Variants in COL21A1 observed in about 807,000 individuals in gnomAD.
COL21A1 encodes the protein collagen type XXI alpha 1 chain, also known as collagen alpha-1(XXI) chain.
COL21A1 carries 149 observed loss-of-function variants against 137.9 expected under a neutral mutation model. The ratio of observed to expected loss-of-function variants is 1.08; its 90% CI spans 0.95 to 1.24. The LOEUF (loss-of-function observed/expected upper bound fraction) is 1.24. Ranked by LOEUF, COL21A1 falls within the 50% of genes most tolerant of loss-of-function variation. COL21A1 has a pLI of 0.00. For synonymous variants in COL21A1, 456 were observed against 391.5 expected (o/e 1.16, Z -1.95); for missense variants, 1,167 against 1,158.4 (o/e 1.01, Z -0.11).
chr6:56,323,214 A>G (rs1764918105), intron 1 of COL21A1, among the ~76,000 whole-genome samples: 1 of 152,188 alleles, frequency 6.6e-6, no homozygotes, highest in South Asian at 2.1e-4. Flanking sequence ...TTTAAAGCCT[A>G]TACTCATTTG....
intron 23 of COL21A1, among the ~76,000 whole-genome samples, chr6:56,067,030 A>G (rs1278690279): frequency 6.6e-6 from 1 of 150,386 alleles, no homozygotes; most frequent in Non-Finnish European, 1.5e-5. Flanking sequence ...ATATGTATAT[A>G]AATACATATT....
At chr6:56,169,846 C>T (rs1000760997) in intron 5 of COL21A1, among the ~76,000 whole-genome samples, 1 of 151,782 alleles carries the variant, frequency 6.6e-6, no homozygotes, top group Non-Finnish European at 1.5e-5. Flanking sequence ...AGAAACATGC[C>T]TTATTCATTT....
intron 1 of COL21A1, among the ~76,000 whole-genome samples, chr6:56,374,009 T>C (rs1210839382): frequency 6.6e-6 from 1 of 152,192 alleles, no homozygotes; most frequent in Admixed American, 6.5e-5. Flanking sequence ...CTTCCCAACT[T>C]AGCCACCCTA....
rs1351282891 is a variant in COL21A1 at position 56,077,517 on chromosome 6, A to G, written c.1857+12T>C. The G allele has an allele frequency of 4.5e-6, 7 of 1,561,936 alleles. No individual in the cohort carries two copies. Among genetic ancestry groups the G allele is most frequent in the Non-Finnish European group, 6.1e-6 (7 of 1,147,502 alleles). ...AGATCCAGGCCCAAAGCTAACTCTCATGAATACTTACCTTTTGGCCCATTA... is the reference window on the plus strand; with the variant it reads ...AGATCCAGGCCCAAAGCTAACTCTCGTGAATACTTACCTTTTGGCCCATTA... On this transcript the variant is annotated intron_variant, in intron 18 of 29. Transcript: ENST00000244728.
chr6:56,280,709 T>C (rs892420682), intron 1 of COL21A1, among the ~76,000 whole-genome samples: 2 of 152,218 alleles, frequency 1.3e-5, no homozygotes, highest in Admixed American at 6.5e-5. Context: ...CTGAGCCTTA[T>C]AGGGTCGAAA....
chr6:56,358,376 T>A (rs1358791817), intron 1 of COL21A1, among the ~76,000 whole-genome samples: 1 of 152,110 alleles, frequency 6.6e-6, no homozygotes, highest in Non-Finnish European at 1.5e-5. Flanking sequence ...AGACAGACGA[T>A]GTTATATTAC....
intron 20 of COL21A1, among the ~76,000 whole-genome samples, chr6:56,073,410 T>G (rs1766933704): frequency 6.6e-6 from 1 of 151,488 alleles, no homozygotes; most frequent in Non-Finnish European, 1.5e-5. Flanking sequence ...TTCTCTCTCT[T>G]TTCTAAATAC....
At chr6:56,313,195 C>T (rs1297372694) in intron 1 of COL21A1, among the ~76,000 whole-genome samples, 5 of 151,946 alleles carry the variant, frequency 3.3e-5, no homozygotes, top group African/African-American at 1.2e-4. Flanking sequence ...TAGGGGAGCA[C>T]AATTCCTCAT....
At chr6:56,256,692 AT>A (rs59048161) in intron 1 of COL21A1, among the ~76,000 whole-genome samples, 1 of 151,526 alleles carries the variant, frequency 6.6e-6, no homozygotes, top group Admixed American at 6.6e-5. Context: ...GCCAAATAAT[AT>A]TTTTTAAAAA....
chr6:56,262,817 A>C (rs2152331050), intron 1 of COL21A1, among the ~76,000 whole-genome samples: 1 of 152,204 alleles, frequency 6.6e-6, no homozygotes, highest in Admixed American at 6.5e-5. Context: ...CCAGGTCTGT[A>C]GCAGCATCAG....
In COL21A1 at chr6:56,343,230, T is replaced by G. The variant is rs370551719; in HGVS notation, c.-39+50741A>C. Among the ~76,000 whole-genome samples, 168 of 152,212 alleles carry G rather than the reference T, an allele frequency of 1.1e-3. 1 individual carries two copies. The highest frequency in any genetic ancestry group is 4.0e-3 in the African/African-American group (165 of 41,526). On this transcript the variant is annotated intron_variant, in intron 1 of 28. Coordinates refer to the COL21A1 transcript ENST00000370819. ...TTTAGCAAGCAACTAAATGTCTGTA[T>G]CTGGTCTTTGAAAAGATCCACAAAA...
At chr6:56,100,353 T>A (rs1770344212) in intron 17 of COL21A1, among the ~76,000 whole-genome samples, 4 of 152,216 alleles carry the variant, frequency 2.6e-5, no homozygotes, top group Admixed American at 2.6e-4. Context: ...GCACTTAGAA[T>A]AGCCCCATGC....
At chr6:56,074,155 TA>T (rs892863003) in intron 20 of COL21A1, 76 bp downstream of exon 20, 9 of 1,000,768 alleles carry the variant, frequency 9.0e-6, no homozygotes, top group Non-Finnish European at 1.3e-5. Context: ...AAGGTAGTAG[TA>T]AAATTTTCAT....
intron 14 of COL21A1, chr6:56,125,317 C>A (rs1420266630): frequency 3.6e-6 from 1 of 278,148 alleles, no homozygotes; most frequent in Admixed American, 5.3e-5. Flanking sequence ...CCGCGCCCGG[C>A]CTGTAAATCT....
chr6:56,082,721 C>T lies in COL21A1; in HGVS notation c.1813-5148G>A, dbSNP rs1221944062. On this transcript the variant is annotated intron_variant, in intron 17 of 29. Transcript: ENST00000244728. ...CCAAAATATTTTAAAGCACCATTAA[C>T]CATCCCCACCAAATAAAAAATGAAA... Among the ~76,000 whole-genome samples, 3 of 151,674 alleles carry T rather than the reference C, an allele frequency of 2.0e-5. No homozygotes were observed. In the East Asian group the frequency reaches 5.8e-4, roughly 29 times the overall value.
intron 17 of COL21A1, chr6:56,091,653 G>A (rs976469874): frequency 3.9e-5 from 6 of 152,520 alleles, no homozygotes; most frequent in African/African-American, 1.4e-4. Context: ...CAGAGAACTA[G>A]AAAGCAAATG....
intron 17 of COL21A1, among the ~76,000 whole-genome samples, chr6:56,088,024 T>G (rs1768420910): frequency 6.6e-6 from 1 of 152,200 alleles, no homozygotes; most frequent in South Asian, 2.1e-4. Context: ...GCTGGAGAAT[T>G]GATAAATTCT....
chr6:56,224,830 A>G (rs1488550752), intron 1 of COL21A1, among the ~76,000 whole-genome samples: 1 of 152,054 alleles, frequency 6.6e-6, no homozygotes, highest in Non-Finnish European at 1.5e-5. Flanking sequence ...ATTAAACTCC[A>G]TTATTTAACA....
chr6:56,210,330 G>A (rs1780081221), intron 1 of COL21A1, among the ~76,000 whole-genome samples: 1 of 152,020 alleles, frequency 6.6e-6, no homozygotes, highest in South Asian at 2.1e-4. Flanking sequence ...AACACGATGG[G>A]TCACCTTTGA....
Sources: allele counts gnomAD v4.1 joint callset (sites outside exome capture counted in the v4.1 genomes callset), GRCh38; gene constraint gnomAD v4.1.1; transcripts MANE v1.5; gene names NCBI Gene and HGNC (gene_info 2026-07-23, HGNC 2026-07-21).